SLIT3: variants seen among roughly 807,000 people sequenced by gnomAD.
SLIT3 encodes slit guidance ligand 3.
Under a neutral mutation model 184.0 loss-of-function variants are expected in SLIT3, and 68 were observed. The observed-to-expected ratio is 0.37, with a 90% CI of 0.30 to 0.45. The LOEUF (loss-of-function observed/expected upper bound fraction) is 0.45. SLIT3 is among the 20% of genes least tolerant of loss of function. The probability of loss-of-function intolerance (pLI) is 1.00; values close to 1 mark genes in which losing one functional copy is unlikely to be tolerated. For missense variants in SLIT3, 1,707 were observed against 2,026.0 expected (o/e 0.84, Z 3.02); for synonymous variants, 831 against 828.6 (o/e 1.00, Z -0.05).
intron 4 of SLIT3, among the ~76,000 whole-genome samples, chr5:168,949,205 C>CTGACTGGG (rs1762573908): frequency 6.6e-6 from 1 of 152,196 alleles, no homozygotes; most frequent in African/African-American, 2.4e-5. Flanking sequence ...CCAGGCAAAC[C>CTGACTGGG]TGACTGGATT....
rs1762187570 is a variant in SLIT3 at position 168,700,647 on chromosome 5, G to A, written c.2877C>T (p.Cys959=). The A allele has an allele frequency of 1.2e-6, 2 of 1,614,214 alleles. No homozygotes were observed. Among genetic ancestry groups the A allele is most frequent in the Non-Finnish European group, 1.7e-6 (2 of 1,180,030 alleles). The change falls in exon 27 of 36, where the codon TGC becomes TGT. Residue 959 remains cysteine (C), a synonymous_variant. Coordinates refer to ENST00000519560, the MANE Select transcript of SLIT3 (RefSeq NM_003062.4). ...GKDCTVPINT[C]IQNPCQHGGT... is the part of the protein sequence containing the mutation. Reference sequence around the variant, plus strand: ...CTCCATGCTGACAGGGGTTCTGGATGCAGGTGTTGATGGGCACAGTGCAGT... The same window carrying A: ...CTCCATGCTGACAGGGGTTCTGGATACAGGTGTTGATGGGCACAGTGCAGT...
chr5:169,291,037 G>A (rs1767348717), intron 1 of SLIT3, among the ~76,000 whole-genome samples: 1 of 152,158 alleles, frequency 6.6e-6, no homozygotes, highest in Non-Finnish European at 1.5e-5. Flanking sequence ...CCAAAGTGCG[G>A]AATGAATCAG....
intron 20 of SLIT3, among the ~76,000 whole-genome samples, chr5:168,733,155 A>G (rs772270766): frequency 6.6e-6 from 1 of 152,192 alleles, no homozygotes; most frequent in Non-Finnish European, 1.5e-5. Flanking sequence ...ATTTCTCAAA[A>G]ACAGACATAC....
intron 3 of SLIT3, among the ~76,000 whole-genome samples, chr5:169,236,477 TG>T (rs1364469013): frequency 2.0e-5 from 2 of 100,276 alleles, no homozygotes; most frequent in African/African-American, 8.3e-5. Context: ...TGTTTTGTTT[TG>T]TTTTTTTTTT....
At chr5:169,167,865 T>C (rs879754916) in intron 4 of SLIT3, among the ~76,000 whole-genome samples, 1 of 152,200 alleles carries the variant, frequency 6.6e-6, no homozygotes, top group Non-Finnish European at 1.5e-5. Context: ...CAGCAGGGTC[T>C]CTGGCCACTG....
chr5:169,195,513 C>T (rs1272484734), intron 3 of SLIT3, among the ~76,000 whole-genome samples: 1 of 152,142 alleles, frequency 6.6e-6, no homozygotes, highest in Non-Finnish European at 1.5e-5. Flanking sequence ...TCCCTGGCCA[C>T]CACTGGGGCT....
intron 32 of SLIT3, among the ~76,000 whole-genome samples, chr5:168,677,812 G>A (rs1396894516): frequency 2.0e-5 from 3 of 152,220 alleles, no homozygotes; most frequent in Admixed American, 2.0e-4. Flanking sequence ...GTGAAAGGTG[G>A]AAATGATGAC....
At chr5:168,846,981 A>G (rs1266675769) in intron 5 of SLIT3, among the ~76,000 whole-genome samples, 1 of 152,214 alleles carries the variant, frequency 6.6e-6, no homozygotes, top group Non-Finnish European at 1.5e-5. Flanking sequence ...AGATTTTTTT[A>G]AAAGACTAAA....
At position 169,165,482 on chromosome 5, in the gene SLIT3, C is replaced by T. The variant is rs570321111; in HGVS notation, c.413+27997G>A. On this transcript the variant is annotated intron_variant, in intron 4 of 35. Coordinates refer to ENST00000519560, the MANE Select transcript of SLIT3 (RefSeq NM_003062.4). ...ATAGCTAATATTTATTGAGCACATA[C>T]TATGCATCTTGCACTATTCTAAGTG... 3.0e-3 allele frequency among the ~76,000 whole-genome samples: 456 copies of T among 152,346 alleles called. 1 individual carries two copies. Among genetic ancestry groups the T allele is most frequent in the African/African-American group, 0.01 (431 of 41,588 alleles).
chr5:168,703,116 C>T (rs895469296), intron 26 of SLIT3, among the ~76,000 whole-genome samples: 74 of 152,282 alleles, frequency 4.9e-4, no homozygotes, highest in Non-Finnish European at 2.2e-4. Context: ...CTATTGCCAA[C>T]GCCTGGTTAA....
intron 4 of SLIT3, among the ~76,000 whole-genome samples, chr5:169,142,886 T>C (rs1761793232): frequency 1.3e-5 from 2 of 152,186 alleles, no homozygotes; most frequent in African/African-American, 2.4e-5. Context: ...TTGTTCAAAT[T>C]GGAGCTGGAA....
intron 3 of SLIT3, among the ~76,000 whole-genome samples, chr5:169,244,112 T>C (rs879095400): frequency 5.9e-5 from 9 of 152,258 alleles, no homozygotes; most frequent in South Asian, 2.1e-4. Flanking sequence ...TTCCCTCTCA[T>C]TGAGTCAGAA....
chr5:169,066,942 GAA>G (rs60977256), intron 4 of SLIT3, among the ~76,000 whole-genome samples: 441 of 80,408 alleles, frequency 5.5e-3, no homozygotes, highest in African/African-American at 0.016. Context: ...TCCCTTTCCT[GAA>G]AAAAAAAAAA....
intron 4 of SLIT3, among the ~76,000 whole-genome samples, chr5:169,182,408 T>C (rs1763192459): frequency 6.6e-6 from 1 of 152,234 alleles, no homozygotes; most frequent in Non-Finnish European, 1.5e-5. Context: ...CTGGACTTTG[T>C]AAATGAACTG....
chr5:168,711,301 C>T (rs1269145563), intron 24 of SLIT3, among the ~76,000 whole-genome samples: 2 of 152,190 alleles, frequency 1.3e-5, no homozygotes, highest in African/African-American at 4.8e-5. Flanking sequence ...CTCACCTACG[C>T]AAGTAAGACT....
intron 4 of SLIT3, among the ~76,000 whole-genome samples, chr5:169,176,250 T>A (rs970206041): frequency 6.6e-6 from 1 of 152,196 alleles, no homozygotes; most frequent in Non-Finnish European, 1.5e-5. Flanking sequence ...AGAAAGCCAA[T>A]GCCTTCTTCC....
intron 4 of SLIT3, among the ~76,000 whole-genome samples, chr5:169,046,416 T>A (rs539977669): frequency 5.9e-5 from 9 of 152,324 alleles, no homozygotes; most frequent in Admixed American, 4.6e-4. Flanking sequence ...CCCTTTGACA[T>A]TGCTTTAAAA....
At chr5:169,088,476 C>T (rs1266833955) in intron 4 of SLIT3, among the ~76,000 whole-genome samples, 1 of 151,728 alleles carries the variant, frequency 6.6e-6, no homozygotes, top group Non-Finnish European at 1.5e-5. Context: ...ATAGCAAACC[C>T]AAAGAGAATC....
chr5:168,988,837 A>G (rs528062574), intron 4 of SLIT3, among the ~76,000 whole-genome samples: 1 of 152,258 alleles, frequency 6.6e-6, no homozygotes, highest in African/African-American at 2.4e-5. Flanking sequence ...TTTTGCCTCC[A>G]GAGAAAAGAA....
Sources: gnomAD v4.1 joint callset for allele counts (sites outside exome capture counted in the v4.1 genomes callset) on GRCh38, gnomAD v4.1.1 for gene constraint, MANE v1.5 for transcripts, NCBI Gene and HGNC (gene_info 2026-07-23, HGNC 2026-07-21) for gene names.